USP34: variants seen among roughly 807,000 people sequenced by gnomAD.
USP34 encodes ubiquitin specific peptidase 34.
USP34 carries 70 observed loss-of-function variants against 460.3 expected under a neutral mutation model. The observed-to-expected ratio is 0.15, with a 90% confidence interval of 0.13 to 0.19. The LOEUF is 0.19. USP34 is among the 10% of genes least tolerant of loss of function. The probability of loss-of-function intolerance (pLI) is 1.00; values close to 1 mark genes in which losing one functional copy is unlikely to be tolerated. For missense variants in USP34, 3,985 were observed against 4,236.2 expected, an observed-to-expected ratio of 0.94 and a Z score of 1.65; for synonymous variants, 1,647 against 1,405.3, an observed-to-expected ratio of 1.17 and a Z score of -3.85.
intron 2 of USP34, among the ~76,000 whole-genome samples, chr2:61,419,198 TTAAA>T (rs1694287562): frequency 6.6e-6 from 1 of 152,096 alleles, no homozygotes; most frequent in South Asian, 2.1e-4. Flanking sequence ...CTTTTTTTTT[TTAAA>T]TAGAGATGGG....
At chr2:61,342,112 G>C (rs1691622000) in intron 16 of USP34, among the ~76,000 whole-genome samples, 1 of 151,908 alleles carries the variant, frequency 6.6e-6, no homozygotes, top group Admixed American at 6.6e-5. Context: ...TCTCCAAAGT[G>C]ATTATATTTT....
At chr2:61,357,545 A>G (rs1692143890) in intron 10 of USP34, among the ~76,000 whole-genome samples, 1 of 152,198 alleles carries the variant, frequency 6.6e-6, no homozygotes, top group South Asian at 2.1e-4. Context: ...AGAGAAACAA[A>G]CCTAAAGCTA....
chr2:61,468,023 G>A (rs535401530), intron 1 of USP34, among the ~76,000 whole-genome samples: 2 of 152,126 alleles, frequency 1.3e-5, no homozygotes, highest in East Asian at 3.9e-4. Flanking sequence ...TACTGCAAAT[G>A]AGATCACAAG....
intron 5 of USP34, among the ~76,000 whole-genome samples, chr2:61,383,747 T>C (rs1693049572): frequency 1.3e-5 from 2 of 152,016 alleles, no homozygotes; most frequent in South Asian, 2.1e-4. Context: ...AAAACGAGGA[T>C]CATTTAGTAT....
Position 61,205,925 on chromosome 2 carries a change from T to C in USP34, c.9154+92A>G, listed in dbSNP as rs530230692. On this transcript the variant is annotated intron_variant, in intron 72 of 79. Transcript: ENST00000398571. Reference sequence around the variant, plus strand: ...GTTACACATAAAAAGCACAAGTATCTTTCAAACACTACAGGCTTAACATCA... The same window carrying C: ...GTTACACATAAAAAGCACAAGTATCCTTCAAACACTACAGGCTTAACATCA... 6.1e-5 allele frequency: 59 copies of C among 965,744 alleles called. 2 individuals carry two copies. The South Asian group carries it at 9.0e-4, about 15-fold the overall frequency. The allele number at this position is 965,744 out of a possible 1,614,324, so 59.8% of individuals were successfully genotyped here. A position where few individuals can be genotyped will look rare whatever the true frequency, so the allele number is the denominator to read the frequency against.
intron 1 of USP34, among the ~76,000 whole-genome samples, chr2:61,421,724 T>C (rs2103974725): frequency 6.6e-6 from 1 of 152,308 alleles, no homozygotes; most frequent in Non-Finnish European, 1.5e-5. Context: ...TGTCCTACTA[T>C]ACCAGTAAGT....
At chr2:61,224,438 A>T (rs1687673017) in intron 62 of USP34, among the ~76,000 whole-genome samples, 1 of 152,196 alleles carries the variant, frequency 6.6e-6, no homozygotes, top group African/African-American at 2.4e-5. Context: ...GCACACAATG[A>T]AGGGTTAGTC....
intron 1 of USP34, among the ~76,000 whole-genome samples, chr2:61,425,368 C>T (rs1043095623): frequency 6.6e-6 from 1 of 152,052 alleles, no homozygotes; most frequent in African/African-American, 2.4e-5. Context: ...AACAACAGTC[C>T]TCAATTAGCA....
chr2:61,238,352 C>T (rs1157450198), intron 53 of USP34, among the ~76,000 whole-genome samples: 1 of 152,220 alleles, frequency 6.6e-6, no homozygotes, highest in East Asian at 1.9e-4. Context: ...TTGCCTGGCC[C>T]GAAGCATTCT....
rs139419063 is a variant in USP34 at position 61,348,364 on chromosome 2, G to C, written c.1791C>G (p.His597Gln). ...CAGGGCTCCCAGCTGACTGGCTTGC[G>C]TGGCTAGAATTAACCTCATTGCTAG... ...DGSSNEVNSSHASQSAGSPGS... is the reference protein window; with the variant it reads ...DGSSNEVNSSQASQSAGSPGS... The change falls in exon 15 of 80, where the codon CAC becomes CAG. Residue 597 changes from histidine to glutamine, a missense_variant. Transcript: ENST00000398571. The C allele has an allele frequency of 6.2e-7, 1 of 1,614,010 alleles. No homozygotes were observed. Among genetic ancestry groups the C allele is most frequent in the Non-Finnish European group, 8.5e-7 (1 of 1,180,034 alleles).
intron 41 of USP34, chr2:61,277,867 T>C (rs1427386320): frequency 1.1e-5 from 3 of 285,016 alleles, no homozygotes; most frequent in Non-Finnish European, 2.0e-5. Context: ...ATAAGTCTCT[T>C]GAGATCTGAT....
chr2:61,368,789 T>C (rs760926859), intron 10 of USP34, among the ~76,000 whole-genome samples: 10 of 152,154 alleles, frequency 6.6e-5, no homozygotes, highest in Non-Finnish European at 1.5e-4. Context: ...CTTATAATGT[T>C]GTGAATGGAG....
chr2:61,394,241 C>A (rs1262201750), intron 5 of USP34, among the ~76,000 whole-genome samples: 1 of 152,128 alleles, frequency 6.6e-6, no homozygotes, highest in Non-Finnish European at 1.5e-5. Flanking sequence ...TTACAATCTT[C>A]ATGTGTAAGA....
intron 1 of USP34, 55 bp downstream of exon 1, chr2:61,470,595 C>A: frequency 7.7e-7 from 1 of 1,299,340 alleles, no homozygotes. Flanking sequence ...GGCCAGAGAG[C>A]TGCGCGAGGA....
At position 61,295,258 on chromosome 2, in the gene USP34, G is replaced by C. The variant is rs1558514742; in HGVS notation, c.4287C>G (p.Leu1429=). Residue 1429 remains leucine (L), a synonymous_variant, in exon 31 of 80, where the codon CTC becomes CTG. Coordinates refer to ENST00000398571, the MANE Select transcript of USP34 (RefSeq NM_014709.4). ...SNDGFNWKEL[L]KIKSAHKLLY... ...ATAGCTTGTGGGCGCTCTTAATTTT[G>C]AGAAGTTCTTTCCAATTAAATCCAT... 7 of 1,606,980 alleles carry C rather than the reference G, an allele frequency of 4.4e-6. No homozygotes were observed. Among genetic ancestry groups the C allele is most frequent in the Admixed American group, 1.7e-5 (1 of 58,928 alleles).
chr2:61,339,524 T>A, intron 17 of USP34, 42 bp downstream of exon 17: 1 of 1,561,764 alleles, frequency 6.4e-7, no homozygotes, highest in Non-Finnish European at 8.6e-7. Context: ...AATTGCATCT[T>A]GCTGAAATTT....
At chr2:61,310,951 A>G (rs1311418952) in intron 27 of USP34, among the ~76,000 whole-genome samples, 1 of 152,212 alleles carries the variant, frequency 6.6e-6, no homozygotes, top group African/African-American at 2.4e-5. Flanking sequence ...TTTGAGAAAC[A>G]AATGAAGAAT....
At chr2:61,344,429 A>G (rs1220980771) in intron 15 of USP34, among the ~76,000 whole-genome samples, 1 of 152,196 alleles carries the variant, frequency 6.6e-6, no homozygotes, top group East Asian at 1.9e-4. Flanking sequence ...GTCTTGATGG[A>G]CTTAATATTA....
chr2:61,469,308 A>G (rs753529075), intron 1 of USP34, among the ~76,000 whole-genome samples: 1 of 152,234 alleles, frequency 6.6e-6, no homozygotes, highest in African/African-American at 2.4e-5. Context: ...CGTAACAATC[A>G]TAATCACACG....
Sources: gnomAD v4.1 joint callset for allele counts (sites outside exome capture counted in the v4.1 genomes callset) on GRCh38, gnomAD v4.1.1 for gene constraint, MANE v1.5 for transcripts, NCBI Gene and HGNC (gene_info 2026-07-23, HGNC 2026-07-21) for gene names.